The following ROBO2 variants were observed in gnomAD, a reference collection of about 807,000 sequenced individuals.
ROBO2 encodes roundabout guidance receptor 2, also known as roundabout homolog 2.
Under a neutral mutation model 160.8 loss-of-function variants are expected in ROBO2, and 53 were observed. That is an observed-to-expected ratio of 0.33 (90% CI 0.26 to 0.41). The LOEUF is 0.41. Among genes scored for constraint, ROBO2 ranks in the 10% least tolerant of loss-of-function variants. ROBO2 has a pLI of 1.00. For synonymous variants in ROBO2, 664 were observed against 611.7 expected (o/e 1.09, Z -1.26); for missense variants, 1,577 against 1,722.4 (o/e 0.92, Z 1.49).
intron 2 of ROBO2, among the ~76,000 whole-genome samples, chr3:77,118,570 G>A (rs115591254): frequency 5.9e-5 from 9 of 152,038 alleles, no homozygotes; most frequent in African/African-American, 1.7e-4. Context: ...ACTCTATTTC[G>A]CTTGATGCCC....
At chr3:76,562,842 A>G (rs1401767664) in intron 2 of ROBO2, among the ~76,000 whole-genome samples, 2 of 152,158 alleles carry the variant, frequency 1.3e-5, no homozygotes, top group Admixed American at 1.3e-4. Flanking sequence ...CAATGAATAT[A>G]TATTGTTAAT....
chr3:76,928,740 TTTG>T (rs2077142542), intron 2 of ROBO2, among the ~76,000 whole-genome samples: 1 of 152,136 alleles, frequency 6.6e-6, no homozygotes, highest in Non-Finnish European at 1.5e-5. Flanking sequence ...TCTCCACAGT[TTTG>T]TTAGTCTCTC....
chr3:76,868,885 G>A (rs2071669609), intron 2 of ROBO2, among the ~76,000 whole-genome samples: 1 of 151,676 alleles, frequency 6.6e-6, no homozygotes, highest in Non-Finnish European at 1.5e-5. Context: ...TATCTGTATC[G>A]GTAATATTAT....
chr3:76,290,542 G>A (rs2107701358), intron 2 of ROBO2, among the ~76,000 whole-genome samples: 1 of 152,178 alleles, frequency 6.6e-6, no homozygotes, highest in South Asian at 2.1e-4. Flanking sequence ...CTCTGGCTAT[G>A]ACTTCTAGGA....
intron 2 of ROBO2, among the ~76,000 whole-genome samples, chr3:76,223,655 C>T (rs1366001609): frequency 6.6e-6 from 1 of 152,096 alleles, no homozygotes; most frequent in East Asian, 1.9e-4. Flanking sequence ...GCAATTAAGC[C>T]AATTACAGGA....
intron 2 of ROBO2, among the ~76,000 whole-genome samples, chr3:76,075,108 A>G (rs1300206870): frequency 6.6e-6 from 1 of 151,852 alleles, no homozygotes; most frequent in African/African-American, 2.4e-5. Context: ...TTGAAACGAC[A>G]TTGCTTCCCT....
At chr3:75,933,079 T>C (rs1947615896) in intron 1 of ROBO2, among the ~76,000 whole-genome samples, 1 of 152,170 alleles carries the variant, frequency 6.6e-6, no homozygotes, top group Admixed American at 6.5e-5. Flanking sequence ...AAAGACTCCT[T>C]TTAATAGTGA....
At chr3:77,417,753 A>G (rs2077376131) in intron 2 of ROBO2, among the ~76,000 whole-genome samples, 1 of 152,130 alleles carries the variant, frequency 6.6e-6, no homozygotes, top group African/African-American at 2.4e-5. Context: ...TCTTGTACTC[A>G]GCAATGTTAT....
chr3:76,821,902 T>G (rs2066152488), intron 2 of ROBO2, among the ~76,000 whole-genome samples: 1 of 151,954 alleles, frequency 6.6e-6, no homozygotes, highest in African/African-American at 2.4e-5. Context: ...GTCAGCCTCT[T>G]CAACAGCCCT....
At chr3:77,399,454 A>G (rs903003640) in intron 2 of ROBO2, among the ~76,000 whole-genome samples, 1 of 152,174 alleles carries the variant, frequency 6.6e-6, no homozygotes, top group African/African-American at 2.4e-5. Flanking sequence ...ATCACAATTC[A>G]GTACAGCTTC....
chr3:77,026,153 A>C (rs1050589867), intron 2 of ROBO2, among the ~76,000 whole-genome samples: 6 of 152,184 alleles, frequency 3.9e-5, no homozygotes, highest in African/African-American at 1.4e-4. Context: ...TAGGTTTTTA[A>C]TGATATAACT....
chr3:77,440,458 A>T (rs1174372476), intron 2 of ROBO2, among the ~76,000 whole-genome samples: 1 of 152,194 alleles, frequency 6.6e-6, no homozygotes, highest in Admixed American at 6.5e-5. Flanking sequence ...GTAGTTAAAA[A>T]GTTAAAATGT....
chr3:76,948,895 TATATATATATATA>T (rs1480474170), intron 2 of ROBO2, among the ~76,000 whole-genome samples: 1 of 28,806 alleles, frequency 3.5e-5, no homozygotes, highest in Non-Finnish European at 6.3e-5. Context: ...TATATATATA[TATATATATATATA>T]TTTTTTTTTT....
intron 2 of ROBO2, among the ~76,000 whole-genome samples, chr3:76,834,556 A>G (rs1462449965): frequency 6.6e-6 from 1 of 151,976 alleles, no homozygotes; most frequent in East Asian, 1.9e-4. Context: ...TATTTTTTGT[A>G]GAGACGGGTT....
chr3:76,188,243 A>G lies in ROBO2; in HGVS notation c.109+250641A>G, dbSNP rs535350107. On this transcript the variant is annotated intron_variant, in intron 2 of 26. Coordinates refer to the ROBO2 transcript ENST00000487694. ...TTTTGGAAACAGGGTCTTTGTAGATATAATTAAGCTAAAATGAGGTCACTA... is the reference window on the plus strand; with the variant it reads ...TTTTGGAAACAGGGTCTTTGTAGATGTAATTAAGCTAAAATGAGGTCACTA... Among the ~76,000 whole-genome samples, 43 of 152,228 alleles carry G rather than the reference A, an allele frequency of 2.8e-4. 2 individuals are homozygous for G. The South Asian group carries it at 8.9e-3, about 32-fold the overall frequency.
Position 76,376,815 on chromosome 3 carries a change from G to A in ROBO2, c.109+439213G>A, listed in dbSNP as rs536107910. On this transcript the variant is annotated intron_variant, in intron 2 of 26. Transcript: ENST00000487694. ...CTTCAAATTTGACCATTTATGGTAAGCCATGTTGAGGAGGATTTTAGCTCC... is the reference window on the plus strand; with the variant it reads ...CTTCAAATTTGACCATTTATGGTAAACCATGTTGAGGAGGATTTTAGCTCC... Among the ~76,000 whole-genome samples, 3 of 152,244 alleles carry A rather than the reference G, an allele frequency of 2.0e-5. No homozygotes were observed. In the South Asian group the frequency reaches 6.2e-4, roughly 32 times the overall value.
intron 2 of ROBO2, among the ~76,000 whole-genome samples, chr3:76,394,447 G>A (rs1044239943): frequency 6.6e-6 from 1 of 152,050 alleles, no homozygotes; most frequent in Non-Finnish European, 1.5e-5. Context: ...TTGAATATCG[G>A]CCCCCACTCT....
chr3:77,543,949 T>C (rs2092591028), intron 6 of ROBO2, among the ~76,000 whole-genome samples: 1 of 152,176 alleles, frequency 6.6e-6, no homozygotes, highest in Non-Finnish European at 1.5e-5. Context: ...TTTCGATACA[T>C]GCTAAATTAT....
At chr3:77,562,365 T>A (rs753379827) in intron 9 of ROBO2, among the ~76,000 whole-genome samples, 3 of 151,898 alleles carry the variant, frequency 2.0e-5, no homozygotes, top group Non-Finnish European at 4.4e-5. Context: ...GAGGTAAGAG[T>A]ATTATCACAG....
Sources: allele counts gnomAD v4.1 joint callset (sites outside exome capture counted in the v4.1 genomes callset), GRCh38; gene constraint gnomAD v4.1.1; transcripts MANE v1.5; gene names NCBI Gene and HGNC (gene_info 2026-07-23, HGNC 2026-07-21).